ZNF69: variants seen among roughly 807,000 people sequenced by gnomAD.
The protein encoded by ZNF69 is zinc finger protein 69.
A neutral mutation model predicts 50.9 loss-of-function variants in ZNF69; 47 were observed. The observed-to-expected ratio is 0.92, with a 90% CI of 0.73 to 1.18. ZNF69 has a LOEUF of 1.18. ZNF69 is among the 50% of genes most tolerant of loss of function. The probability of loss-of-function intolerance (pLI) is 0.00; values close to 1 mark genes in which losing one functional copy is unlikely to be tolerated. For synonymous variants in ZNF69, 216 were observed against 223.1 expected, an observed-to-expected ratio of 0.97 and a Z score of 0.29; for missense variants, 717 against 675.1, an observed-to-expected ratio of 1.06 and a Z score of -0.69.
chr19:11,916,343 A>T (rs1325898144), downstream of ZNF69, among the ~76,000 whole-genome samples: 4 of 152,072 alleles, frequency 2.6e-5, no homozygotes, highest in African/African-American at 9.7e-5. Context: ...CGCTGGGCAG[A>T]TTGGCTCATG....
chr19:11,954,193 G>A, the ZNF69 span, among the ~76,000 whole-genome samples: 1 of 152,140 alleles, frequency 6.6e-6, no homozygotes, highest in East Asian at 1.9e-4. Flanking sequence ...TACCATTCCA[G>A]GGTAGGAAAG....
chr19:11,900,277 A>C (rs1972215027), intron 1 of ZNF69, among the ~76,000 whole-genome samples: 1 of 151,488 alleles, frequency 6.6e-6, no homozygotes. Flanking sequence ...CTTTAATAAC[A>C]TGTAATGTAG....
chr19:11,938,098 T>G, the ZNF69 span, among the ~76,000 whole-genome samples: 1 of 152,010 alleles, frequency 6.6e-6, no homozygotes, highest in Non-Finnish European at 1.5e-5. Context: ...AGACGGAGTC[T>G]CACTCTGTCA....
intron 1 of ZNF69, among the ~76,000 whole-genome samples, chr19:11,888,233 G>C (rs1396910096): frequency 6.6e-6 from 1 of 152,218 alleles, no homozygotes; most frequent in African/African-American, 2.4e-5. Flanking sequence ...GGGCAGCTCC[G>C]CGCCCGCAGC....
At chr19:11,944,885 GT>G in the ZNF69 span, among the ~76,000 whole-genome samples, 1 of 152,236 alleles carries the variant, frequency 6.6e-6, no homozygotes, top group African/African-American at 2.4e-5. Flanking sequence ...TAGATGGGTG[GT>G]TTTATGCACA....
the ZNF69 span, among the ~76,000 whole-genome samples, chr19:11,965,747 G>A: frequency 6.6e-6 from 1 of 152,190 alleles, no homozygotes; most frequent in Non-Finnish European, 1.5e-5. Flanking sequence ...AGCCAAATAG[G>A]AGAGACCTTG....
the ZNF69 span, among the ~76,000 whole-genome samples, chr19:11,944,088 C>T: frequency 3.3e-5 from 5 of 152,158 alleles, no homozygotes; most frequent in Non-Finnish European, 7.4e-5. Flanking sequence ...GATCCACACT[C>T]TATTACCTGG....
chr19:11,918,393 G>A (rs1000354256), downstream of ZNF69, among the ~76,000 whole-genome samples: 1 of 152,242 alleles, frequency 6.6e-6, no homozygotes, highest in African/African-American at 2.4e-5. Flanking sequence ...CATTGGTTGA[G>A]CATTTTTCTT....
chr19:11,892,709 G>A (rs937389359), intron 1 of ZNF69, among the ~76,000 whole-genome samples: 5 of 152,160 alleles, frequency 3.3e-5, no homozygotes, highest in Admixed American at 6.5e-5. Context: ...GAAAGAAGGC[G>A]AATCTGTAAT....
At chr19:11,976,891 A>G in the ZNF69 span, 1 of 1,511,418 alleles carries the variant, frequency 6.6e-7, no homozygotes, top group Non-Finnish European at 8.8e-7. Context: ...TGCTTTATGG[A>G]AGAAAGTACA....
chr19:11,967,572 T>G, the ZNF69 span, among the ~76,000 whole-genome samples: 1 of 152,102 alleles, frequency 6.6e-6, no homozygotes, highest in Admixed American at 6.5e-5. Flanking sequence ...CTCGGCTAAT[T>G]TTTTGTATTT....
the ZNF69 span, among the ~76,000 whole-genome samples, chr19:11,944,210 T>A: frequency 6.6e-6 from 1 of 152,198 alleles, no homozygotes; most frequent in Non-Finnish European, 1.5e-5. Context: ...GTAACTTAAT[T>A]TCACCTAATT....
chr19:11,905,615 T>A lies in ZNF69; in HGVS notation c.1218T>A (p.His406Gln). 1 of 1,613,962 alleles carries A rather than the reference T, an allele frequency of 6.2e-7. No individual in the cohort carries two copies. The highest frequency in any genetic ancestry group is 8.5e-7 in the Non-Finnish European group (1 of 1,179,988). ...AFIHSSSLRYHERIHTGEKPY... is the reference protein window; with the variant it reads ...AFIHSSSLRYQERIHTGEKPY... ...TTCATTCCAGTTCCCTTCGTTATCATGAAAGGATTCACACTGGAGAGAAAC... is the reference window on the plus strand; with the variant it reads ...TTCATTCCAGTTCCCTTCGTTATCAAGAAAGGATTCACACTGGAGAGAAAC... The change falls in exon 4 of 4, where the codon CAT (histidine) becomes CAA (glutamine). Residue 406 changes from histidine to glutamine, a missense_variant. Transcript: ENST00000429654.
At chr19:11,976,578 A>AAAC in the ZNF69 span, among the ~76,000 whole-genome samples, 9 of 151,098 alleles carry the variant, frequency 6.0e-5, no homozygotes, top group African/African-American at 2.2e-4. Context: ...AAAAAAAAAA[A>AAAC]ATTGCTGGCC....
chr19:11,905,826 C>T lies in ZNF69; in HGVS notation c.1429C>T (p.Pro477Ser), dbSNP rs1972360443. The T allele has an allele frequency of 6.2e-7, 1 of 1,613,684 alleles. No individual in the cohort carries two copies. Among genetic ancestry groups the T allele is most frequent in the African/African-American group, 1.3e-5 (1 of 74,770 alleles). ...CGTAAGAATACACTCTGGAGAAAGA[C>T]CTTATAAATGTAAGCTATGTGGGAA... ...THVRIHSGER[P>S]YKCKLCGKGF... Residue 477 changes from proline to serine, a missense_variant, in exon 4 of 4, where the codon CCT becomes TCT. By Grantham distance (74) the Pro-to-Ser change is moderately conservative (BLOSUM62 -1). Transcript: ENST00000429654.
chr19:11,973,782 G>C, the ZNF69 span, among the ~76,000 whole-genome samples: 1 of 151,738 alleles, frequency 6.6e-6, no homozygotes, highest in Non-Finnish European at 1.5e-5. Context: ...TATGAGTAAG[G>C]CTGCTAAAAA....
In ZNF69 at chr19:11,906,158, G is replaced by C. The variant is rs1972370598; in HGVS notation, c.*60G>C. 2 of 1,575,502 alleles carry C rather than the reference G, an allele frequency of 1.3e-6. No homozygotes were observed. Among genetic ancestry groups the C allele is most frequent in the Non-Finnish European group, 1.7e-6 (2 of 1,167,372 alleles). On this transcript the variant is annotated 3_prime_UTR_variant, in exon 4 of 4. Coordinates refer to ENST00000429654, the MANE Select transcript of ZNF69 (RefSeq NM_001364730.1). ...TGCATGGTAGGACACACAATCAAGA[G>C]AAACCATGAATGTAAAGAATGTGGG...
chr19:11,947,163 A>C, the ZNF69 span: 13 of 1,612,178 alleles, frequency 8.1e-6, no homozygotes, highest in East Asian at 2.9e-4. Context: ...CTTCCTCTAC[A>C]CATGTGAGAT....
At chr19:11,904,228 A>G (rs577080979) in intron 3 of ZNF69, among the ~76,000 whole-genome samples, 1 of 152,292 alleles carries the variant, frequency 6.6e-6, no homozygotes, top group African/African-American at 2.4e-5. Context: ...CCACATATCA[A>G]CAACAGCAAA....
Sources: allele counts gnomAD v4.1 joint callset (sites outside exome capture counted in the v4.1 genomes callset), GRCh38; gene constraint gnomAD v4.1.1; transcripts MANE v1.5; gene names NCBI Gene and HGNC (gene_info 2026-07-23, HGNC 2026-07-21).